The following ZBTB44 variants were observed in gnomAD, a reference collection of about 807,000 sequenced individuals.
ZBTB44 encodes zinc finger and BTB domain containing 44.
Under a neutral mutation model 54.0 loss-of-function variants are expected in ZBTB44, and 15 were observed. The observed-to-expected ratio is 0.28, with a 90% CI of 0.19 to 0.43. The LOEUF is 0.43. Among genes scored for constraint, ZBTB44 ranks in the 20% least tolerant of loss-of-function variants. The pLI is 1.00. For missense variants in ZBTB44, 487 were observed against 707.1 expected (o/e 0.69, Z 3.53); for synonymous variants, 230 against 250.1 (o/e 0.92, Z 0.76).
At chr11:130,243,613 C>T (rs1298477415) in intron 2 of ZBTB44, among the ~76,000 whole-genome samples, 1 of 152,132 alleles carries the variant, frequency 6.6e-6, no homozygotes, top group African/African-American at 2.4e-5. Context: ...TTAGTTCTGA[C>T]AGTACAATCC....
chr11:130,255,459 T>C (rs1287415769), intron 2 of ZBTB44, among the ~76,000 whole-genome samples: 1 of 152,104 alleles, frequency 6.6e-6, no homozygotes, highest in African/African-American at 2.4e-5. Flanking sequence ...GTGGGAAAGA[T>C]GTAAAATCTA....
Position 130,229,149 on chromosome 11 carries a change from A to G in ZBTB44, c.*2615T>C, listed in dbSNP as rs1020671268. On this transcript the variant is annotated 3_prime_UTR_variant, in exon 8 of 8. Coordinates refer to ENST00000357899, the MANE Select transcript of ZBTB44 (RefSeq NM_001301098.2). ...CAGATACTGCCAAACCGAGATACCAATAACATCTGAAATCTTTGCAGAGAC... is the reference window on the plus strand; with the variant it reads ...CAGATACTGCCAAACCGAGATACCAGTAACATCTGAAATCTTTGCAGAGAC... 21 of 152,200 alleles carry G rather than the reference A, an allele frequency of 1.4e-4. No individual in the cohort carries two copies. Among genetic ancestry groups the G allele is most frequent in the South Asian group, 2.1e-4 (1 of 4,836 alleles). 9.4% of individuals were successfully genotyped at this position (152,200 alleles called of 1,614,324 possible).
chr11:130,243,132 G>A (rs887156917), intron 2 of ZBTB44, among the ~76,000 whole-genome samples: 1 of 152,108 alleles, frequency 6.6e-6, no homozygotes, highest in Non-Finnish European at 1.5e-5. Context: ...TATTGTTCAT[G>A]TTTATTTTGT....
intron 1 of ZBTB44, among the ~76,000 whole-genome samples, chr11:130,281,551 A>T (rs1444396312): frequency 6.6e-6 from 1 of 150,928 alleles, no homozygotes; most frequent in East Asian, 1.9e-4. Context: ...AAATAAATAA[A>T]TAAATAAATA....
chr11:130,287,217 C>A (rs1941020413), intron 1 of ZBTB44, among the ~76,000 whole-genome samples: 1 of 152,142 alleles, frequency 6.6e-6, no homozygotes, highest in South Asian at 2.1e-4. Context: ...CATGCCCCAT[C>A]CCTCACCTCC....
intron 1 of ZBTB44, among the ~76,000 whole-genome samples, chr11:130,281,603 G>C (rs1057021385): frequency 2.1e-5 from 3 of 145,766 alleles, no homozygotes; most frequent in Non-Finnish European, 4.4e-5. Flanking sequence ...TTGTTTTTTG[G>C]GGGGGGGATG....
At chr11:130,296,284 G>GATTCCTTCTGCTCTTTAC in intron 1 of ZBTB44, 1 of 1,489,346 alleles carries the variant, frequency 6.7e-7, no homozygotes, top group Admixed American at 2.1e-5. Context: ...TCTGAAAAGA[G>GATTCCTTCTGCTCTTTAC]ATTCCTTCTG....
intron 1 of ZBTB44, chr11:130,285,285 G>GTTCTCT (rs1940870166): frequency 4.0e-5 from 5 of 123,614 alleles, no homozygotes; most frequent in African/African-American, 1.5e-4. Flanking sequence ...AGTTATTCTT[G>GTTCTCT]TTTTCTTTTT....
rs988219464 is a variant in ZBTB44 at position 130,226,842 on chromosome 11, T to A, written c.*4922A>T. The A allele has an allele frequency of 2.7e-5, 4 of 147,712 alleles. No individual in the cohort carries two copies. The highest frequency in any genetic ancestry group is 1.0e-4 in the African/African-American group (4 of 39,670). 9.2% of individuals were successfully genotyped at this position (147,712 alleles called of 1,614,324 possible). A position where few individuals can be genotyped will look rare whatever the true frequency, so the allele number is the denominator to read the frequency against. ...ATGTAATAAAGGCCAGTTTAAAGAT[T>A]TTTTTTTTAAAAAAAGTTTAAACCT... is the stretch of plus-strand genomic sequence containing the variant. On this transcript the variant is annotated 3_prime_UTR_variant, in exon 8 of 8. Coordinates refer to ENST00000357899, the MANE Select transcript of ZBTB44 (RefSeq NM_001301098.2).
At chr11:130,251,250 AGATT>A (rs1937976923) in intron 2 of ZBTB44, among the ~76,000 whole-genome samples, 1 of 103,984 alleles carries the variant, frequency 9.6e-6, no homozygotes, top group South Asian at 3.9e-4. Context: ...AGAGAAAAAA[AGATT>A]GAAAAGGAAC....
intron 1 of ZBTB44, among the ~76,000 whole-genome samples, chr11:130,271,130 TTA>T (rs1449085572): frequency 4.6e-5 from 7 of 152,304 alleles, no homozygotes; most frequent in East Asian, 1.9e-4. Context: ...ATGAATAAAT[TTA>T]TGTTATAAAA....
At chr11:130,262,739 GA>G (rs112468499) in intron 1 of ZBTB44, among the ~76,000 whole-genome samples, 1,452 of 144,968 alleles carry the variant, frequency 0.01, 9 homozygotes, top group African/African-American at 0.023. Flanking sequence ...GAAGTGGAAA[GA>G]AAAAAAAAAA....
At chr11:130,260,648 T>C (rs754326537) in intron 2 of ZBTB44, among the ~76,000 whole-genome samples, 1 of 151,936 alleles carries the variant, frequency 6.6e-6, no homozygotes. Context: ...TCCCAGCAGA[T>C]ACCATTCAAT....
rs892646018 is a variant in ZBTB44, at chr11:130,228,441, G to A, written c.*3323C>T. The A allele has an allele frequency of 1.3e-5, 2 of 152,108 alleles. No homozygotes were observed. Among genetic ancestry groups the A allele is most frequent in the Non-Finnish European group, 2.9e-5 (2 of 68,022 alleles). The allele number at this position is 152,108 out of a possible 1,614,324, so 9.4% of individuals were successfully genotyped here. ...GACTTTACACAGCATCTGTCAACTT[G>A]AAAATTAAATTGGTAACTGAAATAA... On this transcript the variant is annotated 3_prime_UTR_variant, in exon 8 of 8. Coordinates refer to ENST00000357899, the MANE Select transcript of ZBTB44 (RefSeq NM_001301098.2).
chr11:130,268,221 T>TAAAAAAAAAAA (rs1157408386), intron 1 of ZBTB44, among the ~76,000 whole-genome samples: 1 of 141,024 alleles, frequency 7.1e-6, no homozygotes, highest in African/African-American at 2.8e-5. Context: ...CACGTCTAAT[T>TAAAAAAAAAAA]TAAAAAAAAA....
intron 1 of ZBTB44, among the ~76,000 whole-genome samples, chr11:130,311,883 T>C (rs1942627887): frequency 1.3e-5 from 2 of 152,088 alleles, no homozygotes; most frequent in African/African-American, 2.4e-5. Context: ...AGACACACAA[T>C]AGTCAGCTTG....
intron 1 of ZBTB44, among the ~76,000 whole-genome samples, chr11:130,313,677 C>T (rs116493925): frequency 8.1e-4 from 124 of 152,236 alleles, no homozygotes; most frequent in African/African-American, 2.6e-3. Flanking sequence ...TACTTACACG[C>T]TGAAAAAGAA....
At chr11:130,282,063 A>G (rs1393810992) in intron 1 of ZBTB44, among the ~76,000 whole-genome samples, 1 of 152,214 alleles carries the variant, frequency 6.6e-6, no homozygotes, top group African/African-American at 2.4e-5. Context: ...AAAATGAAAC[A>G]TAACACCCTA....
chr11:130,307,260 T>C (rs952588083), intron 1 of ZBTB44, among the ~76,000 whole-genome samples: 3 of 151,746 alleles, frequency 2.0e-5, no homozygotes, highest in Non-Finnish European at 4.4e-5. Flanking sequence ...CCGTCTCTAC[T>C]AAAAATACAA....
Sources: gnomAD v4.1 joint callset for allele counts (sites outside exome capture counted in the v4.1 genomes callset) on GRCh38, gnomAD v4.1.1 for gene constraint, MANE v1.5 for transcripts, NCBI Gene and HGNC (gene_info 2026-07-23, HGNC 2026-07-21) for gene names.